The following SLC2A14 variants were observed in gnomAD, a reference collection of about 807,000 sequenced individuals.
SLC2A14 encodes solute carrier family 2, facilitated glucose transporter member 14.
SLC2A14 carries 13 observed loss-of-function variants against 43.0 expected under a neutral mutation model. The ratio of observed to expected loss-of-function variants is 0.30; its 90% CI spans 0.20 to 0.48. The LOEUF is 0.48. Among genes scored for constraint, SLC2A14 ranks in the 20% least tolerant of loss-of-function variants. SLC2A14 has a pLI of 0.99. For synonymous variants in SLC2A14, 190 were observed against 233.8 expected (o/e 0.81, Z 1.71); for missense variants, 428 against 620.4 (o/e 0.69, Z 3.29).
intron 2 of SLC2A14, among the ~76,000 whole-genome samples, chr12:7,834,682 T>TG (rs1252900530): frequency 3.3e-5 from 5 of 151,256 alleles, no homozygotes; most frequent in African/African-American, 1.2e-4. Context: ...CAGTGAGCTA[T>TG]GCAGCCTGGG....
intron 2 of SLC2A14, among the ~76,000 whole-genome samples, chr12:7,840,139 G>T (rs1393399164): frequency 1.4e-5 from 2 of 145,432 alleles, no homozygotes; most frequent in African/African-American, 2.5e-5. Context: ...GTGCGGTGGG[G>T]GGACTTCAGA....
chr12:7,817,773 T>C (rs1863595176), intron 10 of SLC2A14, 58 bp downstream of exon 10: 16 of 1,576,598 alleles, frequency 1.0e-5, no homozygotes, highest in Middle Eastern at 1.7e-4. Context: ...GATAGATAGA[T>C]AGATAGACAG....
chr12:7,873,987 C>T (rs1246613454), upstream of SLC2A14, among the ~76,000 whole-genome samples: 5 of 152,150 alleles, frequency 3.3e-5, no homozygotes, highest in African/African-American at 1.2e-4. Flanking sequence ...AGGGTCTATA[C>T]TGCACTTCTT....
intron 2 of SLC2A14, among the ~76,000 whole-genome samples, chr12:7,838,388 C>T (rs1865638692): frequency 6.6e-6 from 1 of 152,006 alleles, no homozygotes; most frequent in Non-Finnish European, 1.5e-5. Flanking sequence ...GCCCGGTCCA[C>T]AATTTTTTTT....
intron 2 of SLC2A14, among the ~76,000 whole-genome samples, chr12:7,834,517 C>T (rs1253278571): frequency 7.0e-6 from 1 of 143,342 alleles, no homozygotes; most frequent in African/African-American, 2.6e-5. Flanking sequence ...ACAGTGAGAC[C>T]CCTTCTCTCT....
intron 2 of SLC2A14, among the ~76,000 whole-genome samples, chr12:7,854,746 G>A (rs1257010024): frequency 1.3e-5 from 2 of 151,674 alleles, no homozygotes; most frequent in Non-Finnish European, 2.9e-5. Context: ...CAAACTCCTG[G>A]CCTCAGCTGA....
intron 7 of SLC2A14, among the ~76,000 whole-genome samples, chr12:7,822,806 A>G (rs1864038522): frequency 6.6e-6 from 1 of 152,190 alleles, no homozygotes; most frequent in South Asian, 2.1e-4. Context: ...CAGCCTCCCA[A>G]GTTGCTGGGA....
At chr12:7,879,310 C>CAAAAA (rs745333898) in intron 1 of SLC2A14, among the ~76,000 whole-genome samples, 11 of 65,806 alleles carry the variant, frequency 1.7e-4, no homozygotes, top group South Asian at 7.6e-4. Context: ...CTCAACTCTG[C>CAAAAA]AAAAAAAAAC....
intron 2 of SLC2A14, among the ~76,000 whole-genome samples, chr12:7,866,732 C>G (rs764662395): frequency 6.6e-6 from 1 of 152,188 alleles, no homozygotes; most frequent in South Asian, 2.1e-4. Flanking sequence ...TAGAAGGTAG[C>G]AGAAGTTGGT....
intron 2 of SLC2A14, among the ~76,000 whole-genome samples, chr12:7,836,448 C>G (rs1865470590): frequency 6.6e-6 from 1 of 152,116 alleles, no homozygotes; most frequent in Non-Finnish European, 1.5e-5. Flanking sequence ...TCTCGAACTC[C>G]TGACCTTGTG....
rs1199494408 is a variant in SLC2A14 at position 7,813,120 on chromosome 12, A to T, written c.*1196T>A. The T allele has an allele frequency of 6.6e-6, 1 of 151,490 alleles. No homozygotes were observed. Among genetic ancestry groups the T allele is most frequent in the Non-Finnish European group, 1.5e-5 (1 of 67,910 alleles). 9.4% of individuals were successfully genotyped at this position (151,490 alleles called of 1,614,324 possible). On this transcript the variant is annotated 3_prime_UTR_variant, in exon 11 of 11. Coordinates refer to ENST00000431042, the MANE Select transcript of SLC2A14 (RefSeq NM_001286234.2). ...TTTAGATAATAATCGCTCAGAAAAAAATCCTCTCCCAGAGCTGAGGTTACA... is the reference window on the plus strand; with the variant it reads ...TTTAGATAATAATCGCTCAGAAAAATATCCTCTCCCAGAGCTGAGGTTACA...
chr12:7,826,870 T>C (rs1332096369), intron 7 of SLC2A14, among the ~76,000 whole-genome samples: 1,857 of 7,208 alleles, frequency 0.26, 268 homozygotes, highest in Non-Finnish European at 0.29. Flanking sequence ...TTTTTCTTTC[T>C]TTCTTTCTTT....
chr12:7,871,114 C>A, intron 1 of SLC2A14: 1 of 1,345,256 alleles, frequency 7.4e-7, no homozygotes, highest in East Asian at 3.9e-5. Context: ...CACCACTTCC[C>A]TCACCATGTT....
chr12:7,841,626 T>TGA (rs1166059601), intron 2 of SLC2A14, among the ~76,000 whole-genome samples: 1 of 152,224 alleles, frequency 6.6e-6, no homozygotes, highest in Non-Finnish European at 1.5e-5. Context: ...AGTCCATAGT[T>TGA]TATATTCAAG....
intron 10 of SLC2A14, 50 bp downstream of exon 10, chr12:7,817,777 TAGAC>T (rs1459382558): frequency 3.9e-5 from 62 of 1,586,866 alleles, no homozygotes; most frequent in Admixed American, 1.6e-4. Flanking sequence ...GATAGATAGA[TAGAC>T]AGATACATAG....
chr12:7,873,678 C>G (rs1294108513), upstream of SLC2A14, among the ~76,000 whole-genome samples: 1 of 66,532 alleles, frequency 1.5e-5, no homozygotes, highest in Non-Finnish European at 3.4e-5. Flanking sequence ...AACAAACAAA[C>G]AAAACAGTTA....
intron 2 of SLC2A14, among the ~76,000 whole-genome samples, chr12:7,838,601 T>A (rs1865658200): frequency 6.6e-6 from 1 of 152,210 alleles, no homozygotes; most frequent in Non-Finnish European, 1.5e-5. Flanking sequence ...TAATCATACC[T>A]CTTTTCTCAC....
chr12:7,823,972 T>C (rs551587650), intron 7 of SLC2A14, among the ~76,000 whole-genome samples: 4 of 152,160 alleles, frequency 2.6e-5, no homozygotes, highest in Admixed American at 2.0e-4. Context: ...AAGATTATAA[T>C]TGGCCAGGCG....
intron 2 of SLC2A14, among the ~76,000 whole-genome samples, chr12:7,867,866 G>A (rs1945011033): frequency 6.7e-6 from 1 of 149,444 alleles, no homozygotes; most frequent in South Asian, 2.1e-4. Flanking sequence ...AAAAAAGGAA[G>A]TGTTTCTAGA....
Sources: allele counts gnomAD v4.1 joint callset (sites outside exome capture counted in the v4.1 genomes callset), GRCh38; gene constraint gnomAD v4.1.1; transcripts MANE v1.5; gene names NCBI Gene and HGNC (gene_info 2026-07-23, HGNC 2026-07-21).